ZNF566: variants seen among roughly 807,000 people sequenced by gnomAD.
ZNF566 encodes the protein zinc finger protein 566.
A neutral mutation model predicts 32.8 loss-of-function variants in ZNF566; 27 were observed. The ratio of observed to expected loss-of-function variants is 0.82; its 90% CI spans 0.61 to 1.14. The LOEUF is 1.14. ZNF566 is among the 50% of genes most tolerant of loss of function. The pLI is 0.00. For missense variants in ZNF566, 402 were observed against 490.4 expected (o/e 0.82, Z 1.70); for synonymous variants, 154 against 159.5 (o/e 0.97, Z 0.26).
At chr19:36,464,469 A>T (rs2145667095) in intron 4 of ZNF566, among the ~76,000 whole-genome samples, 1 of 152,266 alleles carries the variant, frequency 6.6e-6, no homozygotes, top group Non-Finnish European at 1.5e-5. Flanking sequence ...TTCGTTTTCT[A>T]TATAGGAAAA....
intron 4 of ZNF566, among the ~76,000 whole-genome samples, chr19:36,455,961 C>T (rs956610552): frequency 6.6e-6 from 1 of 151,452 alleles, no homozygotes; most frequent in Non-Finnish European, 1.5e-5. Context: ...ATGGCGTGAA[C>T]CCGGGAGGCC....
chr19:36,481,470 C>CG (rs1370356619), intron 1 of ZNF566, among the ~76,000 whole-genome samples: 3 of 74,240 alleles, frequency 4.0e-5, no homozygotes. Context: ...GACACTGTCT[C>CG]GGGAAAAAAA....
At chr19:36,473,974 G>A (rs954311654) in intron 2 of ZNF566, among the ~76,000 whole-genome samples, 3 of 152,220 alleles carry the variant, frequency 2.0e-5, no homozygotes, top group East Asian at 1.9e-4. Flanking sequence ...CAATAAGAAC[G>A]ATTCTTCAAT....
chr19:36,446,221 G>C lies in ZNF566; in HGVS notation c.*2756C>G, dbSNP rs1352193457. The C allele has an allele frequency of 6.6e-6, 1 of 151,840 alleles. No homozygotes were observed. The highest frequency in any genetic ancestry group is 2.4e-5 in the African/African-American group (1 of 41,370). 9.4% of individuals were successfully genotyped at this position (151,840 alleles called of 1,614,324 possible). A position where few individuals can be genotyped will look rare whatever the true frequency, so the allele number is the denominator to read the frequency against. The stretch of plus-strand genomic sequence containing the variant: ...ATTATTCAGAAGAAAATTGACAGAG[G>C]GGAGGGAATGAGGAACGGAGAAGGG... On this transcript the variant is annotated 3_prime_UTR_variant, in exon 5 of 5. Transcript: ENST00000452939.
At position 36,449,802 on chromosome 19, in the gene ZNF566, G is replaced by A. The variant is rs2033101748; in HGVS notation, c.432C>T (p.Phe144=). ...TCAAAGTGGGCAGATCTTCATGAGT[G>A]AATACCAATTGATTGAAATGTCCCC... is the stretch of plus-strand genomic sequence containing the variant. ...SQGGHFNQLV[F]THEDLPTLSH... Residue 144 remains phenylalanine, a synonymous_variant, in exon 5 of 5, where the codon TTC becomes TTT. Coordinates refer to ENST00000452939, the MANE Select transcript of ZNF566 (RefSeq NM_001145344.1). The A allele has an allele frequency of 6.2e-7, 1 of 1,614,132 alleles. No individual in the cohort carries two copies. Among genetic ancestry groups the A allele is most frequent in the African/African-American group, 1.3e-5 (1 of 75,028 alleles).
rs542699017 is a variant in ZNF566 at position 36,453,120 on chromosome 19, AAAAAAAAC to A, written c.233-3127_233-3120del. Among the ~76,000 whole-genome samples the A allele has an allele frequency of 6.9e-3, 1,046 of 151,308 alleles. 15 individuals carry two copies. The highest frequency in any genetic ancestry group is 0.021 in the Admixed American group (311 of 15,148). ...GCAACAGAGCAAGACTCTGTCTCAA[AAAAAAAAC>A]AAAAAAACAAAAAAACAAACAAAAA... On this transcript the variant is annotated intron_variant, in intron 4 of 4. Coordinates refer to ENST00000452939, the MANE Select transcript of ZNF566 (RefSeq NM_001145344.1).
At chr19:36,470,524 T>C (rs2033735358) in intron 4 of ZNF566, among the ~76,000 whole-genome samples, 1 of 152,298 alleles carries the variant, frequency 6.6e-6, no homozygotes, top group African/African-American at 2.4e-5. Context: ...CATCACTGTA[T>C]CTCAACCAGA....
At chr19:36,476,740 A>T (rs1040492707) in intron 1 of ZNF566, 124 bp from the exon 2 acceptor site, 2 of 705,710 alleles carry the variant, frequency 2.8e-6, no homozygotes, top group African/African-American at 3.6e-5. Context: ...GAGAATGGGC[A>T]AATGTCTCTA....
chr19:36,456,603 G>A (rs2033322019), intron 4 of ZNF566: 1 of 151,696 alleles, frequency 6.6e-6, no homozygotes, highest in Non-Finnish European at 1.5e-5. Flanking sequence ...GCTAGGGGAG[G>A]GATAGGATTA....
chr19:36,460,118 TAAAG>T (rs1270928393), intron 4 of ZNF566, among the ~76,000 whole-genome samples: 2 of 152,046 alleles, frequency 1.3e-5, no homozygotes, highest in Non-Finnish European at 2.9e-5. Context: ...TCATAGGATT[TAAAG>T]AAAGACCTAG....
intron 1 of ZNF566, among the ~76,000 whole-genome samples, chr19:36,478,450 G>T (rs189347692): frequency 6.6e-6 from 1 of 152,110 alleles, no homozygotes; most frequent in East Asian, 1.9e-4. Flanking sequence ...TTCAAATGCT[G>T]TACCTTCCAA....
chr19:36,482,402 G>A (rs1251632522), intron 1 of ZNF566, among the ~76,000 whole-genome samples: 1 of 101,688 alleles, frequency 9.8e-6, no homozygotes, highest in African/African-American at 3.2e-5. Context: ...ACTGTCCCCT[G>A]CGAATGTTTT....
At chr19:36,487,206 G>A (rs889917823) in intron 1 of ZNF566, among the ~76,000 whole-genome samples, 4 of 151,922 alleles carry the variant, frequency 2.6e-5, no homozygotes, top group African/African-American at 4.8e-5. Context: ...ACCAAATTAC[G>A]GAGAGGATAT....
At chr19:36,456,212 T>G (rs1044799346) in intron 4 of ZNF566, among the ~76,000 whole-genome samples, 1 of 150,966 alleles carries the variant, frequency 6.6e-6, no homozygotes, top group Non-Finnish European at 1.5e-5. Flanking sequence ...AGGAAATCTG[T>G]ATATGGAAAA....
chr19:36,458,036 T>C lies in ZNF566; in HGVS notation c.233-8035A>G, dbSNP rs575187105. Among the ~76,000 whole-genome samples, 3 of 152,292 alleles carry C rather than the reference T, an allele frequency of 2.0e-5. No homozygotes were observed. In the South Asian group the frequency reaches 6.2e-4, roughly 32 times the overall value. On this transcript the variant is annotated intron_variant, in intron 4 of 4. Transcript: ENST00000452939. ...TGGTGGCATAAATTGAAACAGCCATTATGGAAAACAGCATGGAGGTTTCTC... is the reference window on the plus strand; with the variant it reads ...TGGTGGCATAAATTGAAACAGCCATCATGGAAAACAGCATGGAGGTTTCTC...
At chr19:36,480,600 T>C (rs2145702313) in intron 1 of ZNF566, among the ~76,000 whole-genome samples, 1 of 116,754 alleles carries the variant, frequency 8.6e-6, no homozygotes, top group East Asian at 2.0e-4. Flanking sequence ...GCAGTTTAGA[T>C]GGGCAAGGAC....
At position 36,472,907 on chromosome 19, in the gene ZNF566, T is replaced by C; in HGVS notation, c.232+4A>G. On this transcript the variant is annotated splice_donor_region_variant and intron_variant, in intron 4 of 4. Transcript: ENST00000452939. The stretch of plus-strand genomic sequence containing the variant: ...TCACGCATTACCTGCTGTGCCTCAC[T>C]TACCTGGCCACTGGCCTCTTGTTAG... 1 of 1,611,184 alleles carries C rather than the reference T, an allele frequency of 6.2e-7. No individual in the cohort carries two copies. The highest frequency in any genetic ancestry group is 8.5e-7 in the Non-Finnish European group (1 of 1,178,994).
rs941167192 is a variant in ZNF566, at chr19:36,445,327, A to G, written c.*3650T>C. On this transcript the variant is annotated 3_prime_UTR_variant, in exon 5 of 5. Coordinates refer to ENST00000452939, the MANE Select transcript of ZNF566 (RefSeq NM_001145344.1). ...GGTGAATAATAGTTACTTCTGGCAT[A>G]ACTGGTTTTATTCCTGGATAGAAAC... 4 of 152,190 alleles carry G rather than the reference A, an allele frequency of 2.6e-5. No individual in the cohort carries two copies. Among genetic ancestry groups the G allele is most frequent in the Non-Finnish European group, 5.9e-5 (4 of 68,034 alleles). The allele number at this position is 152,190 out of a possible 1,614,324, so 9.4% of individuals were successfully genotyped here.
intron 4 of ZNF566, among the ~76,000 whole-genome samples, chr19:36,469,600 A>G (rs903004826): frequency 6.6e-6 from 1 of 152,178 alleles, no homozygotes; most frequent in Admixed American, 6.6e-5. Flanking sequence ...AGTGGCATGT[A>G]TTTTTGAAAA....
Sources: gnomAD v4.1 joint callset for allele counts (sites outside exome capture counted in the v4.1 genomes callset) on GRCh38, gnomAD v4.1.1 for gene constraint, MANE v1.5 for transcripts, NCBI Gene and HGNC (gene_info 2026-07-23, HGNC 2026-07-21) for gene names.